SYNE3: variants seen among roughly 807,000 people sequenced by gnomAD.
SYNE3 encodes the protein spectrin repeat containing nuclear envelope family member 3.
A neutral mutation model predicts 111.2 loss-of-function variants in SYNE3; 100 were observed. The observed-to-expected ratio is 0.90, with a 90% CI of 0.77 to 1.06. The LOEUF (loss-of-function observed/expected upper bound fraction) is 1.06. Among genes scored for constraint, SYNE3 ranks in the 50% least tolerant of loss-of-function variants. The probability of loss-of-function intolerance (pLI) is 0.00; values close to 1 mark genes in which losing one functional copy is unlikely to be tolerated. For synonymous variants in SYNE3, 547 were observed against 533.9 expected, an observed-to-expected ratio of 1.02 and a Z score of -0.34; for missense variants, 1,160 against 1,240.3, an observed-to-expected ratio of 0.94 and a Z score of 0.97.
At chr14:95,480,998 C>A (rs61368709) in intron 1 of SYNE3, among the ~76,000 whole-genome samples, 8,381 of 152,186 alleles carry the variant, frequency 0.055, 474 homozygotes, top group Admixed American at 0.17. Context: ...CTCCCCACCC[C>A]CGACCCCAGG....
At chr14:95,501,432 T>C (rs1347892698) in intron 1 of SYNE3, among the ~76,000 whole-genome samples, 1 of 152,164 alleles carries the variant, frequency 6.6e-6, no homozygotes, top group East Asian at 1.9e-4. Context: ...GCTCCGTGTG[T>C]TCAGCTCTAT....
rs77333221 is a variant in SYNE3 at position 95,446,406 on chromosome 14, C to T, written c.1450-315G>A. ...CATGGCCTCTGCCCCGACTGCAGTG[C>T]ACCCTCAGCCTTGGGCACCTGGACC... On this transcript the variant is annotated intron_variant, in intron 8 of 17. Transcript: ENST00000682763. Among the ~76,000 whole-genome samples the T allele has an allele frequency of 8.5e-4, 130 of 152,220 alleles. No individual in the cohort carries two copies. In the Middle Eastern group the frequency reaches 0.01, roughly 12 times the overall value.
chr14:95,489,583 C>T lies in SYNE3; in HGVS notation c.-14-13748G>A, dbSNP rs545426026. 6.0e-5 allele frequency among the ~76,000 whole-genome samples: 9 copies of T among 151,006 alleles called. No homozygotes were observed. The East Asian group carries it at 1.3e-3, about 23-fold the overall frequency. Reference sequence around the variant, plus strand: ...AAAATATAAACTACAATACCTACCTCGGTTGGTGCTTAGTAGGTACTCAGA... The same window carrying T: ...AAAATATAAACTACAATACCTACCTTGGTTGGTGCTTAGTAGGTACTCAGA... On this transcript the variant is annotated intron_variant, in intron 1 of 17. Coordinates refer to ENST00000682763, the MANE Select transcript of SYNE3 (RefSeq NM_152592.6).
At chr14:95,458,734 T>C (rs1401405687) in intron 4 of SYNE3, among the ~76,000 whole-genome samples, 1 of 152,188 alleles carries the variant, frequency 6.6e-6, no homozygotes, top group Non-Finnish European at 1.5e-5. Context: ...GCCCCTGTTA[T>C]TTCATCTCCC....
At chr14:95,510,112 G>A (rs969283586) in intron 1 of SYNE3, among the ~76,000 whole-genome samples, 2 of 152,204 alleles carry the variant, frequency 1.3e-5, no homozygotes, top group African/African-American at 4.8e-5. Flanking sequence ...CTCTGGGCAT[G>A]TACATGAGCG....
intron 9 of SYNE3, among the ~76,000 whole-genome samples, chr14:95,445,638 G>A (rs112827858): frequency 2.2e-4 from 33 of 152,316 alleles, no homozygotes; most frequent in African/African-American, 7.5e-4. Context: ...CAGAAGACTG[G>A]ACTGGATTCA....
In SYNE3 at chr14:95,439,647, C is replaced by T. The variant is rs1886294275; in HGVS notation, c.2211G>A (p.Trp737Ter). The change falls in exon 13 of 18, where the codon TGG (tryptophan) becomes TGA (stop). Residue 737 changes from tryptophan to a stop codon, truncating the protein, a stop_gained. Coordinates refer to ENST00000682763, the MANE Select transcript of SYNE3 (RefSeq NM_152592.6). LOFTEE classifies it high-confidence loss of function. ...TTTCTTCCAGCAGCCTCAAGGCCCG[C>T]CACGACTCTGCCAGCTCCCTGAGCT... ...QEELRELAES[W>*]RALRLLEESL... is the part of the protein sequence containing the mutation. The T allele has an allele frequency of 1.2e-6, 2 of 1,613,334 alleles. No individual in the cohort carries two copies. The highest frequency in any genetic ancestry group is 1.7e-5 in the Admixed American group (1 of 60,028).
At chr14:95,497,442 T>C (rs980107) in intron 1 of SYNE3, among the ~76,000 whole-genome samples, 100,588 of 152,050 alleles carry the variant, frequency 0.66, 34,130 homozygotes, top group African/African-American at 0.82. Context: ...TGTGACAGTT[T>C]TCCCGAGGGG....
In SYNE3 at chr14:95,439,254, C is replaced by G. The variant is rs1346373696; in HGVS notation, c.2247-92G>C. On this transcript the variant is annotated intron_variant, in intron 13 of 17. Coordinates refer to ENST00000682763, the MANE Select transcript of SYNE3 (RefSeq NM_152592.6). ...GTAATAGAATTGGGGAACCACGGGT[C>G]ACGAGTCAGTGCCCCCCACTGAAGT... The G allele has an allele frequency of 2.1e-5, 33 of 1,567,828 alleles. No homozygotes were observed. The Middle Eastern group carries it at 7.2e-4, about 34-fold the overall frequency.
At chr14:95,494,250 TG>T (rs1258088563) in intron 1 of SYNE3, among the ~76,000 whole-genome samples, 1 of 152,096 alleles carries the variant, frequency 6.6e-6, no homozygotes, top group East Asian at 1.9e-4. Context: ...AAGCTCTAAA[TG>T]AGAGTGCTAT....
intron 1 of SYNE3, among the ~76,000 whole-genome samples, chr14:95,514,479 G>C (rs1396165580): frequency 2.6e-5 from 4 of 152,244 alleles, no homozygotes; most frequent in African/African-American, 7.2e-5. Context: ...GGGGAACCCA[G>C]GTATCCCGAC....
At chr14:95,428,777 G>A (rs181898704) in intron 17 of SYNE3, among the ~76,000 whole-genome samples, 2 of 152,232 alleles carry the variant, frequency 1.3e-5, no homozygotes, top group Non-Finnish European at 2.9e-5. Flanking sequence ...GAGTTGGCAA[G>A]TGCCTAGGCA....
intron 1 of SYNE3, among the ~76,000 whole-genome samples, chr14:95,489,964 T>G (rs1595251759): frequency 6.6e-6 from 1 of 151,912 alleles, no homozygotes; most frequent in African/African-American, 2.4e-5. Context: ...GGGTTAGGAG[T>G]CATGGTTCCA....
At position 95,439,628 on chromosome 14, in the gene SYNE3, C is replaced by T; in HGVS notation, c.2230G>A (p.Glu744Lys). ...AESWRALRLL[E>K]ESLLSLIRNW... ...CACTCTCACCTCAGCAGACTTTCTT[C>T]CAGCAGCCTCAAGGCCCGCCACGAC... The change falls in exon 13 of 18, where the codon GAA (glutamate) becomes AAA (lysine). Residue 744 changes from glutamate (E) to lysine (K), a missense_variant. Physicochemically the swap from Glu to Lys is moderately conservative, Grantham distance 56 (BLOSUM62 1). Transcript: ENST00000682763. The T allele has an allele frequency of 6.2e-7, 1 of 1,611,016 alleles. No homozygotes were observed. Among genetic ancestry groups the T allele is most frequent in the African/African-American group, 1.3e-5 (1 of 75,062 alleles).
chr14:95,445,169 C>T (rs919391224), intron 9 of SYNE3, among the ~76,000 whole-genome samples: 1 of 152,186 alleles, frequency 6.6e-6, no homozygotes, highest in African/African-American at 2.4e-5. Context: ...TTCATCCCCC[C>T]AGCTCCTAGA....
chr14:95,443,113 C>A, intron 11 of SYNE3, 42 bp downstream of exon 11: 2 of 1,609,750 alleles, frequency 1.2e-6, no homozygotes, highest in Non-Finnish European at 1.7e-6. Context: ...TGACAGGGGC[C>A]GGCTCTCTGT....
intron 1 of SYNE3, among the ~76,000 whole-genome samples, chr14:95,501,416 A>G (rs985303295): frequency 6.6e-6 from 1 of 152,190 alleles, no homozygotes; most frequent in Non-Finnish European, 1.5e-5. Context: ...GAATGAACGG[A>G]TCTTTGCTCC....
At chr14:95,495,130 A>G (rs1890033583) in intron 1 of SYNE3, among the ~76,000 whole-genome samples, 1 of 151,032 alleles carries the variant, frequency 6.6e-6, no homozygotes, top group African/African-American at 2.5e-5. Context: ...AAAGAAAGAA[A>G]AGAAAAGAAA....
At chr14:95,467,367 C>T (rs1382692249) in intron 3 of SYNE3, among the ~76,000 whole-genome samples, 1 of 152,154 alleles carries the variant, frequency 6.6e-6, no homozygotes, top group East Asian at 1.9e-4. Flanking sequence ...TCCCAAACCA[C>T]ATAGGAAGTA....
Sources: allele counts gnomAD v4.1 joint callset (sites outside exome capture counted in the v4.1 genomes callset), GRCh38; gene constraint gnomAD v4.1.1; transcripts MANE v1.5; gene names NCBI Gene and HGNC (gene_info 2026-07-23, HGNC 2026-07-21).